The following RGL1 variants were observed in gnomAD, a reference collection of about 807,000 sequenced individuals.
The protein encoded by RGL1 is ral guanine nucleotide dissociation stimulator-like 1.
Under a neutral mutation model 95.2 loss-of-function variants are expected in RGL1, and 24 were observed. That is an observed-to-expected ratio of 0.25 (90% CI 0.18 to 0.35). The LOEUF (loss-of-function observed/expected upper bound fraction) is 0.35, where lower values mean the gene tolerates loss of function less well. RGL1 is among the 10% of genes least tolerant of loss of function. The probability of loss-of-function intolerance (pLI) is 1.00; values close to 1 mark genes in which losing one functional copy is unlikely to be tolerated. For synonymous variants in RGL1, 329 were observed against 344.9 expected (o/e 0.95, Z 0.51); for missense variants, 715 against 936.3 (o/e 0.76, Z 3.08).
chr1:183,717,108 G>A (rs149032332), intron 1 of RGL1, among the ~76,000 whole-genome samples: 70 of 152,322 alleles, frequency 4.6e-4, no homozygotes, highest in African/African-American at 1.6e-3. Flanking sequence ...AGGTGTTACA[G>A]CCAGCATTTT....
intron 1 of RGL1, among the ~76,000 whole-genome samples, chr1:183,683,744 A>T (rs1653380828): frequency 6.6e-6 from 1 of 152,196 alleles, no homozygotes; most frequent in Admixed American, 6.5e-5. Context: ...CTCCTGGCTA[A>T]TATCCTGAAG....
chr1:183,672,847 C>CT (rs1652563857), intron 1 of RGL1, among the ~76,000 whole-genome samples: 2 of 152,162 alleles, frequency 1.3e-5, no homozygotes, highest in South Asian at 4.1e-4. Context: ...TCCTGTGTGG[C>CT]TTACATTCAT....
intron 2 of RGL1, among the ~76,000 whole-genome samples, chr1:183,778,403 G>T (rs1009737633): frequency 1.3e-5 from 2 of 152,232 alleles, no homozygotes; most frequent in Admixed American, 1.3e-4. Context: ...AGACATAAAA[G>T]AGTAGGGGTT....
chr1:183,803,817 G>A (rs1199948343), upstream of RGL1, among the ~76,000 whole-genome samples: 2 of 152,122 alleles, frequency 1.3e-5, no homozygotes, highest in East Asian at 3.9e-4. Context: ...AGGGAGGTAG[G>A]GCCTTCACAT....
chr1:183,759,070 C>T (rs1658512742), intron 2 of RGL1, among the ~76,000 whole-genome samples: 1 of 152,134 alleles, frequency 6.6e-6, no homozygotes, highest in Non-Finnish European at 1.5e-5. Flanking sequence ...TTTTCCTATG[C>T]CCTTGTTTTG....
At chr1:183,819,623 T>C (rs893337877) in intron 2 of RGL1, among the ~76,000 whole-genome samples, 1 of 152,178 alleles carries the variant, frequency 6.6e-6, no homozygotes, top group African/African-American at 2.4e-5. Context: ...ATTGGCTCCA[T>C]TAAAATTAAG....
chr1:183,716,460 G>A (rs566815968), intron 1 of RGL1, among the ~76,000 whole-genome samples: 5 of 152,344 alleles, frequency 3.3e-5, no homozygotes, highest in African/African-American at 1.2e-4. Context: ...AGCTTCTGAA[G>A]TCAGCCCAAA....
intron 1 of RGL1, among the ~76,000 whole-genome samples, chr1:183,700,553 G>T (rs372977566): frequency 2.5e-4 from 35 of 140,920 alleles, no homozygotes; most frequent in Non-Finnish European, 3.8e-4. Context: ...ATCTAGGTTT[G>T]TTTTTTTTTT....
At chr1:183,837,215 CT>C (rs34416951) in intron 2 of RGL1, among the ~76,000 whole-genome samples, 23,912 of 152,146 alleles carry the variant, frequency 0.16, 2,260 homozygotes, top group East Asian at 0.28. Context: ...TTATGGCATG[CT>C]GGGAAAGCTT....
chr1:183,759,927 C>T (rs1001398248), intron 2 of RGL1, among the ~76,000 whole-genome samples: 2 of 152,208 alleles, frequency 1.3e-5, no homozygotes, highest in African/African-American at 4.8e-5. Context: ...GTTAGTGACC[C>T]TCCTGTGTGG....
intron 1 of RGL1, chr1:183,742,099 T>C: frequency 6.3e-7 from 1 of 1,592,522 alleles, no homozygotes; most frequent in South Asian, 1.1e-5. Flanking sequence ...TGTTTTAACC[T>C]GGATCACACT....
chr1:183,751,263 G>C (rs577220989), intron 2 of RGL1, among the ~76,000 whole-genome samples: 4 of 152,366 alleles, frequency 2.6e-5, no homozygotes, highest in African/African-American at 9.6e-5. Flanking sequence ...ACCCTGCCCA[G>C]AGAGGAGGAA....
At chr1:183,673,735 C>T (rs1020951342) in intron 1 of RGL1, among the ~76,000 whole-genome samples, 1 of 152,220 alleles carries the variant, frequency 6.6e-6, no homozygotes, top group Non-Finnish European at 1.5e-5. Context: ...AGAAGTCTTG[C>T]TATGATGGCA....
intron 1 of RGL1, among the ~76,000 whole-genome samples, chr1:183,650,183 C>T (rs1296257757): frequency 1.3e-5 from 2 of 151,934 alleles, no homozygotes; most frequent in South Asian, 2.1e-4. Context: ...ATAATATAAA[C>T]AAAGTCATGT....
intron 1 of RGL1, among the ~76,000 whole-genome samples, chr1:183,642,716 CA>C (rs1172735220): frequency 6.6e-6 from 1 of 152,072 alleles, no homozygotes; most frequent in Non-Finnish European, 1.5e-5. Flanking sequence ...TTTAGTCTAA[CA>C]GAAAAGATGT....
chr1:183,658,774 C>G (rs991195671), intron 1 of RGL1, among the ~76,000 whole-genome samples: 1 of 152,158 alleles, frequency 6.6e-6, no homozygotes. Flanking sequence ...GGTCCCTGAC[C>G]CCTGACCCCC....
chr1:183,903,720 G>A (rs1420549200), intron 12 of RGL1, among the ~76,000 whole-genome samples: 3 of 152,056 alleles, frequency 2.0e-5, no homozygotes, highest in African/African-American at 7.2e-5. Flanking sequence ...ATATAGGTGG[G>A]GTATCTATCT....
intron 2 of RGL1, among the ~76,000 whole-genome samples, chr1:183,846,551 A>T (rs1182839673): frequency 6.6e-6 from 1 of 151,826 alleles, no homozygotes; most frequent in Non-Finnish European, 1.5e-5. Flanking sequence ...TAAAAAAAAA[A>T]AGAATAAAAA....
chr1:183,715,708 T>G (rs954884643), intron 1 of RGL1, among the ~76,000 whole-genome samples: 2 of 151,576 alleles, frequency 1.3e-5, no homozygotes, highest in African/African-American at 4.8e-5. Context: ...ACAGAACCAA[T>G]TGGAGACCTA....
Sources: gnomAD v4.1 joint callset for allele counts (sites outside exome capture counted in the v4.1 genomes callset) on GRCh38, gnomAD v4.1.1 for gene constraint, MANE v1.5 for transcripts, NCBI Gene and HGNC (gene_info 2026-07-23, HGNC 2026-07-21) for gene names.